Variants in CHLSN observed in about 807,000 individuals in gnomAD.
CHLSN encodes cholesin, also known as protein cholesin.
chr7:1,097,103 T>C, the CHLSN span, among the ~76,000 whole-genome samples: 4 of 152,034 alleles, frequency 2.6e-5, no homozygotes, highest in Middle Eastern at 3.2e-3. This position sits in a 1 kb window ranked among gnomAD's most constrained non-coding sequence, Gnocchi z 4.3. Context: ...AACCCAGACA[T>C]TGAAAGTAAG....
chr7:1,091,682 C>T, the CHLSN span: 1 of 1,336,250 alleles, frequency 7.5e-7, no homozygotes. Context: ...TAAAACAGAG[C>T]TCTGGGAGCC....
chr7:995,041 G>A, the CHLSN span, among the ~76,000 whole-genome samples: 5 of 152,254 alleles, frequency 3.3e-5, no homozygotes, highest in Admixed American at 2.0e-4. Context: ...AGGCTAAGGC[G>A]GGGCTTCCTT....
the CHLSN span, among the ~76,000 whole-genome samples, chr7:1,001,604 G>C: frequency 1.5e-5 from 2 of 133,768 alleles, no homozygotes; most frequent in Non-Finnish European, 3.2e-5. Flanking sequence ...CCTGCGGGTG[G>C]GGGGTCCTGC....
the CHLSN span, among the ~76,000 whole-genome samples, chr7:1,073,000 C>G: frequency 2.6e-4 from 40 of 152,144 alleles, no homozygotes; most frequent in Non-Finnish European, 5.1e-4. Context: ...CTTCTTGGGT[C>G]AGTATGGTAA....
At chr7:1,125,328 A>G in the CHLSN span, among the ~76,000 whole-genome samples, 1 of 152,136 alleles carries the variant, frequency 6.6e-6, no homozygotes, top group African/African-American at 2.4e-5. Flanking sequence ...CCCTTTGCAC[A>G]GCGGCCATTT....
chr7:1,136,629 AATAT>A, the CHLSN span, among the ~76,000 whole-genome samples: 8 of 144,214 alleles, frequency 5.5e-5, no homozygotes, highest in African/African-American at 1.8e-4. Context: ...TATAAAAATA[AATAT>A]ATATATGCGG....
At chr7:1,055,454 G>A in the CHLSN span, 1 of 462,886 alleles carries the variant, frequency 2.2e-6, no homozygotes, top group South Asian at 1.6e-5. Context: ...AGGGCCCACA[G>A]CACCAAGAGG....
At chr7:999,843 G>A in the CHLSN span, among the ~76,000 whole-genome samples, 2 of 152,212 alleles carry the variant, frequency 1.3e-5, no homozygotes, top group East Asian at 3.8e-4. Context: ...AGCCTCACAG[G>A]ACATGGGCAG....
At chr7:1,058,228 C>G in the CHLSN span, 12 of 759,374 alleles carry the variant, frequency 1.6e-5, no homozygotes, top group Admixed American at 1.6e-4. Context: ...CTGGTGGCCA[C>G]CGTGTGCACG....
the CHLSN span, among the ~76,000 whole-genome samples, chr7:1,046,495 T>C: frequency 6.6e-6 from 1 of 152,118 alleles, no homozygotes; most frequent in Non-Finnish European, 1.5e-5. Context: ...CCCACATCTG[T>C]CCAGGGGTCT....
At chr7:1,072,872 T>C in the CHLSN span, among the ~76,000 whole-genome samples, 5 of 151,890 alleles carry the variant, frequency 3.3e-5, no homozygotes, top group East Asian at 5.8e-4. Context: ...TTAGTAGAGA[T>C]GGGATTTCAC....
the CHLSN span, chr7:1,058,121 C>T: frequency 2.6e-6 from 2 of 758,710 alleles, no homozygotes; most frequent in East Asian, 2.4e-5. Flanking sequence ...CAGCACTGGC[C>T]ACCCTCTACG....
the CHLSN span, among the ~76,000 whole-genome samples, chr7:1,080,134 A>G: frequency 6.6e-6 from 1 of 152,216 alleles, no homozygotes; most frequent in African/African-American, 2.4e-5. Flanking sequence ...CGCAAAACAG[A>G]GTGGCCACTT....
the CHLSN span, chr7:983,165 G>C: frequency 1.9e-5 from 27 of 1,429,098 alleles, no homozygotes; most frequent in Non-Finnish European, 2.5e-5. Context: ...AGGGTGCGGG[G>C]GGGACGGGGC....
chr7:1,011,624 A>G, the CHLSN span, among the ~76,000 whole-genome samples: 1 of 146,836 alleles, frequency 6.8e-6, no homozygotes, highest in East Asian at 2.0e-4. Flanking sequence ...CCACACCCAG[A>G]TACACACCCA....
the CHLSN span, chr7:1,127,475 T>TCC: frequency 8.4e-7 from 1 of 1,195,236 alleles, no homozygotes; most frequent in African/African-American, 1.6e-5. Context: ...TAGGGCACTC[T>TCC]CCCATTAAAA....
chr7:1,091,785 G>A, the CHLSN span: 24 of 1,581,940 alleles, frequency 1.5e-5, no homozygotes, highest in Non-Finnish European at 1.8e-5. Context: ...CAGGCACCGC[G>A]CAGCCTGCGG....
the CHLSN span, among the ~76,000 whole-genome samples, chr7:1,098,077 A>G: frequency 4.7e-5 from 7 of 148,282 alleles, no homozygotes; most frequent in Non-Finnish European, 7.5e-5. Flanking sequence ...CCCGGGAGAT[A>G]AAAGTGCTGC....
the CHLSN span, among the ~76,000 whole-genome samples, chr7:1,059,457 G>A: frequency 7.9e-5 from 12 of 152,098 alleles, no homozygotes; most frequent in African/African-American, 2.9e-4. Flanking sequence ...TTCCACTTGA[G>A]CGAACAGGTC....
Sources: gnomAD v4.1 joint callset for allele counts (sites outside exome capture counted in the v4.1 genomes callset) on GRCh38, gnomAD v4.1.1 for gene constraint, Gnocchi (gnomAD v3.1) non-coding constraint, MANE v1.5 for transcripts, NCBI Gene and HGNC (gene_info 2026-07-23, HGNC 2026-07-21) for gene names.